RYR2: variants seen among roughly 807,000 people sequenced by gnomAD.
RYR2 encodes ryanodine receptor 2, also known as cardiac muscle ryanodine receptor-calcium release channel.
A neutral mutation model predicts 601.1 loss-of-function variants in RYR2; 227 were observed. The ratio of observed to expected loss-of-function variants is 0.38; its 90% CI spans 0.34 to 0.42. The LOEUF is 0.42. Ranked by LOEUF, RYR2 falls within the 10% of genes least tolerant of loss-of-function variation. The pLI is 1.00. For missense variants in RYR2, 4,646 were observed against 6,156.5 expected (o/e 0.75, Z 8.21); for synonymous variants, 2,223 against 2,175.1 (o/e 1.02, Z -0.61).
At chr1:237,814,963 T>C (rs911720283) in intron 100 of RYR2, among the ~76,000 whole-genome samples, 1 of 106,578 alleles carries the variant, frequency 9.4e-6, no homozygotes. Context: ...TTTTTCTTTT[T>C]TCTTTTTTTT....
chr1:237,745,164 C>A (rs1276102563), intron 80 of RYR2, among the ~76,000 whole-genome samples: 1 of 152,044 alleles, frequency 6.6e-6, no homozygotes, highest in Non-Finnish European at 1.5e-5. Context: ...TATCATCATC[C>A]TTGCAAATTT....
rs776534086 is a variant in RYR2, at chr1:237,614,309, C to A, written c.5181C>A (p.Val1727=). The A allele has an allele frequency of 3.7e-6, 6 of 1,613,914 alleles. No homozygotes were observed. Among genetic ancestry groups the A allele is most frequent in the African/African-American group, 1.3e-5 (1 of 74,936 alleles). Residue 1727 remains valine, a synonymous_variant, in exon 37 of 105, where the codon GTC becomes GTA. Transcript: ENST00000366574. This position sits in a 1 kb window ranked among gnomAD's most constrained non-coding sequence, Gnocchi z 4.3. Reference sequence around the variant, plus strand: ...TCATGATGAACAACGAGTACATTGTCCCCATGACGGAGGAGACGAAGAGCA... The same window carrying A: ...TCATGATGAACAACGAGTACATTGTACCCATGACGGAGGAGACGAAGAGCA... The part of the protein sequence containing the change: ...ARLMMNNEYI[V]PMTEETKSIT...
intron 4 of RYR2, among the ~76,000 whole-genome samples, chr1:237,362,710 G>A (rs1001166352): frequency 1.3e-5 from 2 of 152,114 alleles, no homozygotes; most frequent in Non-Finnish European, 2.9e-5. Context: ...AACAAGAAAT[G>A]GTTTGTACAG....
intron 1 of RYR2, among the ~76,000 whole-genome samples, chr1:237,210,991 C>T (rs75136878): frequency 0.029 from 4,380 of 151,226 alleles, 216 homozygotes; most frequent in African/African-American, 0.098. Flanking sequence ...GCCGCAGAGA[C>T]GTCTCACACA....
intron 20 of RYR2, among the ~76,000 whole-genome samples, chr1:237,498,673 G>C (rs942643222): frequency 6.6e-6 from 1 of 151,696 alleles, no homozygotes; most frequent in Admixed American, 6.6e-5. Context: ...TCAATTTGAA[G>C]CTTTTTCTTT....
At chr1:237,687,551 T>C (rs1306830381) in intron 63 of RYR2, 47 bp downstream of exon 63, 26 of 1,463,800 alleles carry the variant, frequency 1.8e-5, no homozygotes, top group African/African-American at 2.8e-5. Flanking sequence ...CACTTGGTTT[T>C]CTTTGCCATT....
chr1:237,419,082 G>A (rs1439765517), intron 11 of RYR2, among the ~76,000 whole-genome samples: 1 of 151,898 alleles, frequency 6.6e-6, no homozygotes, highest in Admixed American at 6.6e-5. Flanking sequence ...AAAGAGTAAA[G>A]AAGTGTTTAT....
chr1:237,230,650 G>A (rs774092387), intron 1 of RYR2, among the ~76,000 whole-genome samples: 1 of 152,082 alleles, frequency 6.6e-6, no homozygotes, highest in Non-Finnish European at 1.5e-5. Flanking sequence ...TGGGTATTGC[G>A]GCTCACGCCT....
Position 237,687,522 on chromosome 1 carries a change from A to G in RYR2, c.9067+18A>G, listed in dbSNP as rs1479647199. On this transcript the variant is annotated intron_variant, in intron 63 of 104. Transcript: ENST00000366574. ...ACTATTTGGTAAGGAGACCCTTGAA[A>G]AAATACAAGCATGGCCATCACTTGG... 19 of 1,595,480 alleles carry G rather than the reference A, an allele frequency of 1.2e-5. No homozygotes were observed. The highest frequency in any genetic ancestry group is 1.5e-5 in the Non-Finnish European group (18 of 1,165,628).
chr1:237,298,343 C>G (rs1693013330), intron 2 of RYR2, among the ~76,000 whole-genome samples: 1 of 152,036 alleles, frequency 6.6e-6, no homozygotes, highest in Admixed American at 6.6e-5. Flanking sequence ...CTGCAAGACT[C>G]CATTCTTTGA....
At chr1:237,082,024 A>G (rs1665744142) in intron 1 of RYR2, among the ~76,000 whole-genome samples, 1 of 152,142 alleles carries the variant, frequency 6.6e-6, no homozygotes, top group Non-Finnish European at 1.5e-5. Flanking sequence ...TTTAGAGATG[A>G]AGGTTTCTGT....
At chr1:237,807,751 T>C (rs17655711) in intron 99 of RYR2, among the ~76,000 whole-genome samples, 3,406 of 152,304 alleles carry the variant, frequency 0.022, 67 homozygotes, top group South Asian at 0.076. Flanking sequence ...TAGAAATGAA[T>C]GAAACCCTCT....
intron 56 of RYR2, among the ~76,000 whole-genome samples, chr1:237,664,705 G>C (rs894739028): frequency 6.6e-6 from 1 of 152,194 alleles, no homozygotes; most frequent in Non-Finnish European, 1.5e-5. Flanking sequence ...ATTTGGGTGG[G>C]GACATAGACA....
chr1:237,133,049 G>A (rs1216960894), intron 1 of RYR2, among the ~76,000 whole-genome samples: 1 of 152,156 alleles, frequency 6.6e-6, no homozygotes, highest in East Asian at 1.9e-4. Flanking sequence ...GACATGCTCT[G>A]GGTAATGAAA....
chr1:237,602,413 T>C (rs1676606822), intron 35 of RYR2, among the ~76,000 whole-genome samples: 1 of 152,316 alleles, frequency 6.6e-6, no homozygotes, highest in South Asian at 2.1e-4. Context: ...TGAATGGACT[T>C]AAAGATCTGA....
intron 74 of RYR2, among the ~76,000 whole-genome samples, chr1:237,724,262 A>T (rs1482295592): frequency 1.3e-5 from 2 of 149,628 alleles, no homozygotes; most frequent in Non-Finnish European, 3.0e-5. Context: ...AATTATATAT[A>T]TATAATTTTG....
intron 55 of RYR2, among the ~76,000 whole-genome samples, 191 bp downstream of exon 55, chr1:237,660,265 C>T (rs887406709): frequency 1.3e-5 from 2 of 150,536 alleles, no homozygotes; most frequent in East Asian, 1.9e-4. Flanking sequence ...TTCTGTCAGC[C>T]TTTCTGTGTT....
chr1:237,471,672 A>T (rs996368355), intron 17 of RYR2, among the ~76,000 whole-genome samples: 1 of 151,260 alleles, frequency 6.6e-6, no homozygotes, highest in Non-Finnish European at 1.5e-5. Flanking sequence ...GCATCCTTTA[A>T]GGTCAACCAA....
intron 1 of RYR2, among the ~76,000 whole-genome samples, chr1:237,149,844 G>A (rs1558322968): frequency 6.6e-6 from 1 of 152,076 alleles, no homozygotes. Context: ...GAATTTTTAG[G>A]TGAAGAAGAT....
Sources: gnomAD v4.1 joint callset for allele counts (sites outside exome capture counted in the v4.1 genomes callset) on GRCh38, gnomAD v4.1.1 for gene constraint, Gnocchi (gnomAD v3.1) non-coding constraint, MANE v1.5 for transcripts, NCBI Gene and HGNC (gene_info 2026-07-23, HGNC 2026-07-21) for gene names.